Variants in ITPK1 observed in about 807,000 individuals in gnomAD.
The protein encoded by ITPK1 is inositol-tetrakisphosphate 1-kinase, also known as inositol 1,3,4-trisphosphate 5/6-kinase.
A neutral mutation model predicts 45.3 loss-of-function variants in ITPK1; 21 were observed. The observed-to-expected ratio is 0.46, with a 90% CI of 0.33 to 0.67. ITPK1 has a LOEUF of 0.67. Among genes scored for constraint, ITPK1 ranks in the 30% least tolerant of loss-of-function variants. ITPK1 has a pLI of 0.02. For synonymous variants in ITPK1, 258 were observed against 253.6 expected (o/e 1.02, Z -0.16); for missense variants, 474 against 573.5 (o/e 0.83, Z 1.77).
intron 2 of ITPK1, among the ~76,000 whole-genome samples, chr14:93,106,823 A>T (rs536764504): frequency 1.3e-5 from 2 of 151,980 alleles, no homozygotes; most frequent in East Asian, 1.9e-4. Flanking sequence ...CTTACCACCT[A>T]ACTCTCTCCC....
chr14:93,021,609 GAA>G (rs1888470765), intron 3 of ITPK1, among the ~76,000 whole-genome samples: 1 of 141,932 alleles, frequency 7.0e-6, no homozygotes, highest in African/African-American at 2.8e-5. Flanking sequence ...AAAAAGAAAA[GAA>G]AAAGAAAAAG....
intron 3 of ITPK1, among the ~76,000 whole-genome samples, chr14:93,061,991 T>A (rs1890543969): frequency 6.6e-6 from 1 of 152,204 alleles, no homozygotes; most frequent in Admixed American, 6.5e-5. Flanking sequence ...TACAACTATG[T>A]CAAGGCTGGT....
chr14:93,020,595 C>T (rs79864828), intron 3 of ITPK1, among the ~76,000 whole-genome samples: 185 of 152,304 alleles, frequency 1.2e-3, no homozygotes, highest in African/African-American at 4.3e-3. Flanking sequence ...ACCCTTTGCA[C>T]GTCGCTCCAG....
chr14:93,030,422 TTTTC>T (rs747430166), intron 3 of ITPK1, among the ~76,000 whole-genome samples: 18 of 152,108 alleles, frequency 1.2e-4, no homozygotes, highest in Admixed American at 2.6e-4. Flanking sequence ...ACTTGTTTTC[TTTTC>T]TTTCTTTCAT....
At chr14:93,021,165 T>C (rs1343161632) in intron 3 of ITPK1, among the ~76,000 whole-genome samples, 2 of 152,116 alleles carry the variant, frequency 1.3e-5, no homozygotes, top group Admixed American at 6.5e-5. Context: ...GTCTGACTTA[T>C]TCCTCTGCCC....
intron 4 of ITPK1, among the ~76,000 whole-genome samples, chr14:92,996,513 A>G (rs1242545163): frequency 6.6e-6 from 1 of 151,810 alleles, no homozygotes; most frequent in Non-Finnish European, 1.5e-5. Context: ...GCACACCAAC[A>G]TGGCACATGT....
rs1740598 is a variant in ITPK1 at position 93,032,736 on chromosome 14, C to T, written c.121-15935G>A. Among the ~76,000 whole-genome samples the T allele has an allele frequency of 0.11, 17,265 of 152,268 alleles. 1,423 individuals carry two copies. The highest frequency in any genetic ancestry group is 0.33 in the East Asian group (1,678 of 5,160). The stretch of plus-strand genomic sequence containing the variant: ...TCCGATTAGCCTCATCTAGAAGGCA[C>T]ATGTCCACCCAGCTCTGGCTGTGAC... On this transcript the variant is annotated intron_variant, in intron 3 of 10. Coordinates refer to ENST00000267615, the MANE Select transcript of ITPK1 (RefSeq NM_014216.6). This position sits in a 1 kb window ranked among gnomAD's most constrained non-coding sequence, Gnocchi z 4.0.
intron 2 of ITPK1, among the ~76,000 whole-genome samples, chr14:93,108,451 G>A (rs988865939): frequency 4.6e-5 from 7 of 152,150 alleles, no homozygotes; most frequent in Non-Finnish European, 5.9e-5. Context: ...AGAAATAACC[G>A]GTAAAGGCAG....
chr14:93,100,337 GA>G (rs1892257938), intron 2 of ITPK1, among the ~76,000 whole-genome samples: 1 of 152,146 alleles, frequency 6.6e-6, no homozygotes, highest in Admixed American at 6.5e-5. Context: ...CCTTCTATGA[GA>G]AACAGGAATG....
At chr14:92,954,223 T>C (rs1038965609) in intron 8 of ITPK1, among the ~76,000 whole-genome samples, 1 of 152,224 alleles carries the variant, frequency 6.6e-6, no homozygotes, top group Non-Finnish European at 1.5e-5. Flanking sequence ...CTGGGAGCTC[T>C]GGCCAGAAGA....
At chr14:92,994,028 G>A (rs779835139) in intron 4 of ITPK1, 31 bp from the exon 5 acceptor site, 4 of 1,466,306 alleles carry the variant, frequency 2.7e-6, no homozygotes, top group Non-Finnish European at 2.9e-6. Context: ...TCTGGTTAGA[G>A]CAGGGGTAGG....
intron 3 of ITPK1, among the ~76,000 whole-genome samples, chr14:93,060,400 A>G (rs1174572109): frequency 6.6e-6 from 1 of 152,164 alleles, no homozygotes; most frequent in Non-Finnish European, 1.5e-5. Context: ...GGGTCAGAAG[A>G]CAGGGAGCAA....
At chr14:92,962,945 G>A in intron 5 of ITPK1, 96 bp from the exon 6 acceptor site, 1 of 729,130 alleles carries the variant, frequency 1.4e-6, no homozygotes. Context: ...GGCCTTCAGT[G>A]CCCCCACGCT....
At chr14:93,115,515 G>A (rs929890885) in intron 1 of ITPK1, among the ~76,000 whole-genome samples, 1 of 149,984 alleles carries the variant, frequency 6.7e-6, no homozygotes, top group Non-Finnish European at 1.5e-5. Flanking sequence ...AGTCTGAGTC[G>A]GAGCTGGGGC....
chr14:92,985,369 T>C (rs1455634080), intron 5 of ITPK1, among the ~76,000 whole-genome samples: 1 of 152,092 alleles, frequency 6.6e-6, no homozygotes, highest in Non-Finnish European at 1.5e-5. Context: ...TATGGTCAGA[T>C]AGGATGTTAA....
intron 5 of ITPK1, among the ~76,000 whole-genome samples, chr14:92,974,174 G>T (rs563016698): frequency 6.6e-6 from 1 of 152,280 alleles, no homozygotes; most frequent in Non-Finnish European, 1.5e-5. Context: ...GGGGGCCCCT[G>T]GAGGGTGGGG....
intron 3 of ITPK1, among the ~76,000 whole-genome samples, chr14:93,058,398 T>C (rs1411600173): frequency 9.4e-6 from 1 of 106,880 alleles, no homozygotes; most frequent in East Asian, 2.7e-4. Flanking sequence ...GGGGTGTAGG[T>C]CGCAACACAG....
At chr14:93,055,692 C>G (rs1423357447) in intron 3 of ITPK1, among the ~76,000 whole-genome samples, 5 of 152,186 alleles carry the variant, frequency 3.3e-5, no homozygotes, top group Non-Finnish European at 7.3e-5. Flanking sequence ...AGCGCCTTTC[C>G]AAAGTCCAAG....
At chr14:93,015,635 G>T (rs925594150) in intron 4 of ITPK1, among the ~76,000 whole-genome samples, 2 of 152,242 alleles carry the variant, frequency 1.3e-5, no homozygotes, top group African/African-American at 2.4e-5. Context: ...AGGGCACAAC[G>T]TGGGACATGC....
Sources: gnomAD v4.1 joint callset for allele counts (sites outside exome capture counted in the v4.1 genomes callset) on GRCh38, gnomAD v4.1.1 for gene constraint, Gnocchi (gnomAD v3.1) non-coding constraint, MANE v1.5 for transcripts, NCBI Gene and HGNC (gene_info 2026-07-23, HGNC 2026-07-21) for gene names.